TNNI2: variants seen among roughly 807,000 people sequenced by gnomAD.
TNNI2 encodes the protein troponin I2, fast skeletal type.
A neutral mutation model predicts 26.5 loss-of-function variants in TNNI2; 14 were observed. That is an observed-to-expected ratio of 0.53 (90% confidence interval 0.35 to 0.83). The LOEUF is 0.83. Among genes scored for constraint, TNNI2 ranks in the 40% least tolerant of loss-of-function variants. The pLI, the probability that TNNI2 is intolerant of heterozygous loss-of-function variation, is 0.01. For missense variants in TNNI2, 205 were observed against 248.5 expected (o/e 0.82, Z 1.18); for synonymous variants, 126 against 97.6 (o/e 1.29, Z -1.71).
chr11:1,840,151 C>T, intron 3 of TNNI2: 2 of 1,534,498 alleles, frequency 1.3e-6, no homozygotes, highest in Non-Finnish European at 1.8e-6. Context: ...CCCAACTGGC[C>T]CTCCTCTCCC....
chr11:1,840,090 C>T (rs1322220020), intron 3 of TNNI2: 1 of 1,153,308 alleles, frequency 8.7e-7, no homozygotes, highest in African/African-American at 1.5e-5. Context: ...GGAATCACTT[C>T]TTCTTTCTGA....
At position 1,840,519 on chromosome 11, in the gene TNNI2, C is replaced by T. The variant is rs1847141564; in HGVS notation, c.58-9C>T. 6.2e-7 allele frequency: 1 copy of T among 1,611,542 alleles called. No individual in the cohort carries two copies. Among genetic ancestry groups the T allele is most frequent in the Admixed American group, 1.7e-5 (1 of 59,910 alleles). ...TGGCTGCAGCCCCTCACCGCCTGCC[C>T]CACCGCAGAGTGTGATGCTGCAGAT... On this transcript the variant is annotated splice_polypyrimidine_tract_variant and intron_variant, in intron 4 of 7. Transcript: ENST00000381911.
chr11:1,839,807 T>A, intron 2 of TNNI2, 42 bp from the exon 3 acceptor site: 1 of 1,613,580 alleles, frequency 6.2e-7, no homozygotes, highest in Non-Finnish European at 8.5e-7. Flanking sequence ...CTAACCTCTG[T>A]CTTCTCTCCC....
rs542956506 is a variant in TNNI2, at chr11:1,839,961, C to T, written c.15+106C>T. 3.9e-6 allele frequency: 6 copies of T among 1,528,540 alleles called. No homozygotes were observed. In the Admixed American group the frequency reaches 7.4e-5, roughly 19 times the overall value. 94.7% of individuals were successfully genotyped at this position (1,528,540 alleles called of 1,614,324 possible). On this transcript the variant is annotated intron_variant, in intron 3 of 7. Coordinates refer to ENST00000381911, the MANE Select transcript of TNNI2 (RefSeq NM_003282.4). The stretch of plus-strand genomic sequence containing the variant: ...GGCCCTAAGGCCCAGAGAAGATGGC[C>T]TGGCCCTCCCCGCTGGCAAAAGTGC...
rs770837715 is a variant in TNNI2, at chr11:1,840,853, C to A, written c.221C>A (p.Ala74Glu). 1.2e-5 allele frequency: 20 copies of A among 1,613,266 alleles called. No individual in the cohort carries two copies. Among genetic ancestry groups the A allele is most frequent in the Non-Finnish European group, 1.7e-5 (20 of 1,179,812 alleles). ...AAACAGCTGCACGCCAAGATCGATG[C>A]GGCTGAAGAGGAGAAGTACGACATG... ...LCKQLHAKID[A>E]AEEEKYDMEV... Residue 74 changes from alanine to glutamate, a missense_variant, in exon 6 of 8, where the codon GCG becomes GAG. Coordinates refer to ENST00000381911, the MANE Select transcript of TNNI2 (RefSeq NM_003282.4).
At chr11:1,839,438 G>C in intron 1 of TNNI2, 1 of 456,538 alleles carries the variant, frequency 2.2e-6, no homozygotes. Context: ...GACAGCTGCA[G>C]CTCCTCAGGC....
In TNNI2 at chr11:1,841,623, G is replaced by T; in HGVS notation, c.*72G>T. The T allele has an allele frequency of 7.0e-7, 1 of 1,429,106 alleles. No individual in the cohort carries two copies. The highest frequency in any genetic ancestry group is 9.8e-7 in the Non-Finnish European group (1 of 1,018,262). The allele number at this position is 1,429,106 out of a possible 1,614,324, so 88.5% of individuals were successfully genotyped here. ...AACATACTAGGGAGATGCACCCAGAGCCTGCCAGGGAGGGCTGGCCTCACC... is the reference window on the plus strand; with the variant it reads ...AACATACTAGGGAGATGCACCCAGATCCTGCCAGGGAGGGCTGGCCTCACC... On this transcript the variant is annotated 3_prime_UTR_variant, in exon 8 of 8. Coordinates refer to ENST00000381911, the MANE Select transcript of TNNI2 (RefSeq NM_003282.4).
rs1334127075 is a variant in TNNI2, at chr11:1,841,516, G to C, written c.514G>C (p.Glu172Gln). The C allele has an allele frequency of 1.2e-6, 2 of 1,614,140 alleles. No individual in the cohort carries two copies. The highest frequency in any genetic ancestry group is 2.2e-5 in the South Asian group (2 of 91,078). ...GAACATCGAGGAGAAGTCTGGCATGGAGGGCCGGAAGAAGATGTTTGAGTC... is the reference window on the plus strand; with the variant it reads ...GAACATCGAGGAGAAGTCTGGCATGCAGGGCCGGAAGAAGATGTTTGAGTC... ...RKNIEEKSGM[E>Q]GRKKMFESES Residue 172 changes from glutamate (E) to glutamine (Q), a missense_variant, in exon 8 of 8, where the codon GAG (glutamate) becomes CAG (glutamine). Coordinates refer to ENST00000381911, the MANE Select transcript of TNNI2 (RefSeq NM_003282.4).
At position 1,840,701 on chromosome 11, in the gene TNNI2, T is replaced by A. The variant is rs768976860; in HGVS notation, c.186+45T>A. On this transcript the variant is annotated intron_variant, in intron 5 of 7. Transcript: ENST00000381911. ...CACCCCGCCTCCCCAGCAGCAGGCC[T>A]GCCTGCTAACTCAGTTTCCCCACTT... 1.9e-6 allele frequency: 3 copies of A among 1,611,230 alleles called. No individual in the cohort carries two copies. The East Asian group carries it at 6.7e-5, about 36-fold the overall frequency.
Position 1,840,845 on chromosome 11 carries a change from G to A in TNNI2, c.213G>A (p.Lys71=). ...VQELCKQLHA[K]IDAAEEEKYD... is the part of the protein sequence containing the mutation. ...AGCTCTGCAAACAGCTGCACGCCAA[G>A]ATCGATGCGGCTGAAGAGGAGAAGT... The change falls in exon 6 of 8, where the codon AAG becomes AAA. Residue 71 remains lysine, a synonymous_variant. Transcript: ENST00000381911. The A allele has an allele frequency of 6.2e-7, 1 of 1,613,276 alleles. No individual in the cohort carries two copies. Among genetic ancestry groups the A allele is most frequent in the Non-Finnish European group, 8.5e-7 (1 of 1,179,810 alleles).
chr11:1,839,756 T>C (rs758643975), intron 2 of TNNI2, 52 bp downstream of exon 2: 7 of 1,613,248 alleles, frequency 4.3e-6, no homozygotes, highest in Non-Finnish European at 5.1e-6. Context: ...CCTCCTGCCC[T>C]GTCCACCCCA....
chr11:1,840,548 G>C lies in TNNI2; in HGVS notation c.78G>C (p.Ala26=), dbSNP rs778205040. The C allele has an allele frequency of 6.2e-7, 1 of 1,612,302 alleles. No homozygotes were observed. The highest frequency in any genetic ancestry group is 1.3e-5 in the African/African-American group (1 of 74,930). Residue 26 remains alanine (A), a synonymous_variant, in exon 5 of 8, where the codon GCG becomes GCC. Transcript: ENST00000381911. ...CGCAGAGTGTGATGCTGCAGATAGC[G>C]GCCACGGAGCTGGAGAAGGAGGAGA... ...QHLKSVMLQI[A]ATELEKEESR...
chr11:1,839,594 A>G, intron 1 of TNNI2, 81 bp from the exon 2 acceptor site: 1 of 1,510,284 alleles, frequency 6.6e-7, no homozygotes, highest in South Asian at 1.2e-5. Context: ...GGAGCCCTGA[A>G]CCCCTCACCA....
At position 1,841,579 on chromosome 11, in the gene TNNI2, G is replaced by A. The variant is rs201612866; in HGVS notation, c.*28G>A. 110 of 1,605,854 alleles carry A rather than the reference G, an allele frequency of 6.8e-5. No individual in the cohort carries two copies. Among genetic ancestry groups the A allele is most frequent in the African/African-American group, 2.5e-4 (19 of 74,892 alleles). Reference sequence around the variant, plus strand: ...CACTCGCTGCCCCTACGCCTGCCCCGGTGCCCGGCTCCCAGCAGAACATAC... The same window carrying A: ...CACTCGCTGCCCCTACGCCTGCCCCAGTGCCCGGCTCCCAGCAGAACATAC... On this transcript the variant is annotated 3_prime_UTR_variant, in exon 8 of 8. Transcript: ENST00000381911.
chr11:1,840,080 G>A (rs1355664747), intron 3 of TNNI2: 18 of 1,113,102 alleles, frequency 1.6e-5, no homozygotes, highest in Admixed American at 4.2e-5. Context: ...TGGTCACAGG[G>A]GAATCACTTC....
At chr11:1,839,207 G>A (rs970455898) in intron 1 of TNNI2, among the ~76,000 whole-genome samples, 174 bp downstream of exon 1, 95 of 152,288 alleles carry the variant, frequency 6.2e-4, no homozygotes, top group Non-Finnish European at 7.2e-4. Flanking sequence ...GGCAGCTGTA[G>A]CGAGAGGCAG....
At chr11:1,841,303 G>T in intron 7 of TNNI2, 96 bp downstream of exon 7, 2 of 1,564,120 alleles carry the variant, frequency 1.3e-6, no homozygotes, top group Non-Finnish European at 1.7e-6. Context: ...CACCTGCCCT[G>T]CCGGGGGCCC....
At position 1,839,675 on chromosome 11, in the gene TNNI2, G is replaced by T. The variant is rs914710120; in HGVS notation, c.-22G>T. The T allele has an allele frequency of 6.2e-7, 1 of 1,613,634 alleles. No homozygotes were observed. Among genetic ancestry groups the T allele is most frequent in the East Asian group, 2.2e-5 (1 of 44,868 alleles). On this transcript the variant is annotated splice_region_variant and 5_prime_UTR_variant, in exon 2 of 8. Coordinates refer to ENST00000381911, the MANE Select transcript of TNNI2 (RefSeq NM_003282.4). ...CACCTCTGTCTTCCTCTCCCCACAG[G>T]CTCCAAGCTCAGGACCTCAGGATGG...
At position 1,840,464 on chromosome 11, in the gene TNNI2, G is replaced by C; in HGVS notation, c.57+20G>C. 6.2e-7 allele frequency: 1 copy of C among 1,610,846 alleles called. No homozygotes were observed. The highest frequency in any genetic ancestry group is 8.5e-7 in the Non-Finnish European group (1 of 1,179,508). On this transcript the variant is annotated intron_variant, in intron 4 of 7. Transcript: ENST00000381911. ...CTGAAGGTAGGTGTGGGCTCCCGGG[G>C]GGGTGGCCCAGGTGGGTCTGCAGGG... is the stretch of plus-strand genomic sequence containing the variant.
Sources: gnomAD v4.1 joint callset for allele counts (sites outside exome capture counted in the v4.1 genomes callset) on GRCh38, gnomAD v4.1.1 for gene constraint, MANE v1.5 for transcripts, NCBI Gene and HGNC (gene_info 2026-07-23, HGNC 2026-07-21) for gene names.